NKX6-1: variants seen among roughly 807,000 people sequenced by gnomAD.
NKX6-1 encodes NK6 homeobox 1.
A neutral mutation model predicts 24.9 loss-of-function variants in NKX6-1; 11 were observed. That is an observed-to-expected ratio of 0.44 (90% confidence interval 0.28 to 0.73). The LOEUF (loss-of-function observed/expected upper bound fraction) is 0.73. Among genes scored for constraint, NKX6-1 ranks in the 30% least tolerant of loss-of-function variants. The pLI is 0.15. For synonymous variants in NKX6-1, 277 were observed against 242.9 expected, an observed-to-expected ratio of 1.14 and a Z score of -1.31; for missense variants, 487 against 502.9, an observed-to-expected ratio of 0.97 and a Z score of 0.30.
At position 84,497,611 on chromosome 4, in the gene NKX6-1, G is replaced by A. The variant is rs1340300209; in HGVS notation, c.618C>T (p.Pro206=). 1.6e-6 allele frequency: 2 copies of A among 1,279,498 alleles called. No homozygotes were observed. Among genetic ancestry groups the A allele is most frequent in the Non-Finnish European group, 2.0e-6 (2 of 1,008,234 alleles). 79.3% of individuals were successfully genotyped at this position (1,279,498 alleles called of 1,614,324 possible). ...ELPGRTPIFW[P]GVMQSPPWRD... ...TCCAGGGCGGGCTCTGCATCACTCC[G>A]GGCCAGAAGATGGGCGTCCGGCCAG... The change falls in exon 1 of 3, where the codon CCC becomes CCT. Residue 206 remains proline, a synonymous_variant. Transcript: ENST00000295886. This position sits in a 1 kb window ranked among gnomAD's most constrained non-coding sequence, Gnocchi z 4.8.
At position 84,497,635 on chromosome 4, in the gene NKX6-1, A is replaced by C. The variant is rs774132308; in HGVS notation, c.594T>G (p.Pro198=). The C allele has an allele frequency of 6.8e-5, 87 of 1,282,154 alleles. No homozygotes were observed. In the African/African-American group the frequency reaches 1.2e-3, roughly 17 times the overall value. 79.4% of individuals were successfully genotyped at this position (1,282,154 alleles called of 1,614,324 possible). The change falls in exon 1 of 3, where the codon CCT becomes CCG. Residue 198 remains proline (P), a synonymous_variant. Transcript: ENST00000295886. The surrounding 1 kb of genome is among the most constrained non-coding windows in gnomAD (Gnocchi z 4.8). ...GRYPKPLAEL[P]GRTPIFWPGV... Reference sequence around the variant, plus strand: ...CGGGCCAGAAGATGGGCGTCCGGCCAGGCAGCTCAGCCAGCGGCTTGGGGT... The same window carrying C: ...CGGGCCAGAAGATGGGCGTCCGGCCCGGCAGCTCAGCCAGCGGCTTGGGGT...
In NKX6-1 at chr4:84,495,749, C is replaced by T; in HGVS notation, c.766G>A (p.Glu256Lys). The T allele has an allele frequency of 6.2e-7, 1 of 1,613,854 alleles. No individual in the cohort carries two copies. Among genetic ancestry groups the T allele is most frequent in the Non-Finnish European group, 8.5e-7 (1 of 1,180,030 alleles). The change falls in exon 2 of 3, where the codon GAA becomes AAA. Residue 256 changes from glutamate to lysine, a missense_variant. Around this residue, in one of 3 missense-constraint regions of NKX6-1, gnomAD observed 45 missense variants for 86.0 expected, o/e 0.52. Coordinates refer to ENST00000295886, the MANE Select transcript of NKX6-1 (RefSeq NM_006168.3). ...QQIFALEKTF[E>K]QTKYLAGPER... Reference sequence around the variant, plus strand: ...GGCCCCGCCAAGTATTTTGTTTGTTCGAAAGTCTTCTCCAGGGCGAAGATC... The same window carrying T: ...GGCCCCGCCAAGTATTTTGTTTGTTTGAAAGTCTTCTCCAGGGCGAAGATC...
At position 84,493,227 on chromosome 4, in the gene NKX6-1, C is replaced by T. The variant is rs1720758041; in HGVS notation, c.*62G>A. 7.1e-7 allele frequency: 1 copy of T among 1,400,704 alleles called. No homozygotes were observed. The highest frequency in any genetic ancestry group is 9.2e-7 in the Non-Finnish European group (1 of 1,082,770). The allele number at this position is 1,400,704 out of a possible 1,614,324, so 86.8% of individuals were successfully genotyped here. A position where few individuals can be genotyped will look rare whatever the true frequency, so the allele number is the denominator to read the frequency against. ...GCAGGCGCGGCGTGCACGCGGTCCCCGCGCCCCTCGCGGCCCCAGAGGTGG... is the reference window on the plus strand; with the variant it reads ...GCAGGCGCGGCGTGCACGCGGTCCCTGCGCCCCTCGCGGCCCCAGAGGTGG... On this transcript the variant is annotated 3_prime_UTR_variant, in exon 3 of 3. Transcript: ENST00000295886. This position sits in a 1 kb window ranked among gnomAD's most constrained non-coding sequence, Gnocchi z 5.1.
rs1467588416 is a variant in NKX6-1 at position 84,493,721 on chromosome 4, G to A, written c.844-172C>T. Among the ~76,000 whole-genome samples, 2 of 152,122 alleles carry A rather than the reference G, an allele frequency of 1.3e-5. No homozygotes were observed. The highest frequency in any genetic ancestry group is 4.8e-5 in the African/African-American group (2 of 41,412). ...TCGGCCGTCAAAGTCAGTCTCCGTC[G>A]CCCCAAGTTCCCCCTGAGTAACTGG... On this transcript the variant is annotated intron_variant, in intron 2 of 2. Coordinates refer to ENST00000295886, the MANE Select transcript of NKX6-1 (RefSeq NM_006168.3). This position sits in a 1 kb window ranked among gnomAD's most constrained non-coding sequence, Gnocchi z 5.1.
Position 84,493,237 on chromosome 4 carries a change from G to C in NKX6-1, c.*52C>G. 1 of 1,432,292 alleles carries C rather than the reference G, an allele frequency of 7.0e-7. No individual in the cohort carries two copies. Among genetic ancestry groups the C allele is most frequent in the Non-Finnish European group, 9.1e-7 (1 of 1,099,510 alleles). 88.7% of individuals were successfully genotyped at this position (1,432,292 alleles called of 1,614,324 possible). ...CGTGCACGCGGTCCCCGCGCCCCTC[G>C]CGGCCCCAGAGGTGGAGGCCGGAGC... On this transcript the variant is annotated 3_prime_UTR_variant, in exon 3 of 3. Transcript: ENST00000295886. This position sits in a 1 kb window ranked among gnomAD's most constrained non-coding sequence, Gnocchi z 5.1.
Position 84,493,181 on chromosome 4 carries a change from C to T in NKX6-1, c.*108G>A. On this transcript the variant is annotated 3_prime_UTR_variant, in exon 3 of 3. Coordinates refer to ENST00000295886, the MANE Select transcript of NKX6-1 (RefSeq NM_006168.3). The surrounding 1 kb of genome is among the most constrained non-coding windows in gnomAD (Gnocchi z 5.1). ...AGGGTCCCCGCAGGCAGGGCCGGGTCCTCCGGGCCCCGAGGAGCGGGCAGG... is the reference window on the plus strand; with the variant it reads ...AGGGTCCCCGCAGGCAGGGCCGGGTTCTCCGGGCCCCGAGGAGCGGGCAGG... 9.4e-7 allele frequency: 1 copy of T among 1,058,952 alleles called. No homozygotes were observed. 65.6% of individuals were successfully genotyped at this position (1,058,952 alleles called of 1,614,324 possible).
chr4:84,493,078 C>A lies in NKX6-1; in HGVS notation c.*211G>T. On this transcript the variant is annotated 3_prime_UTR_variant, in exon 3 of 3. Coordinates refer to ENST00000295886, the MANE Select transcript of NKX6-1 (RefSeq NM_006168.3). This position sits in a 1 kb window ranked among gnomAD's most constrained non-coding sequence, Gnocchi z 5.1. ...GGTGGTCTTTCTTGCCTTATCAACC[C>A]CGGAGTCTCTCTCCCCTACATCCCC... The A allele has an allele frequency of 2.5e-6, 1 of 400,758 alleles. No individual in the cohort carries two copies. The highest frequency in any genetic ancestry group is 4.3e-6 in the Non-Finnish European group (1 of 232,926). 24.8% of individuals were successfully genotyped at this position (400,758 alleles called of 1,614,324 possible). A position where few individuals can be genotyped will look rare whatever the true frequency, so the allele number is the denominator to read the frequency against.
In NKX6-1 at chr4:84,492,004, A is replaced by T. The variant is rs1351902346; in HGVS notation, c.*1285T>A. 1 of 151,854 alleles carries T rather than the reference A, an allele frequency of 6.6e-6. No homozygotes were observed. Among genetic ancestry groups the T allele is most frequent in the Non-Finnish European group, 1.5e-5 (1 of 67,954 alleles). 9.4% of individuals were successfully genotyped at this position (151,854 alleles called of 1,614,324 possible). ...CAGACGTCTTCAAACTGTTTTTTTT[A>T]ATTTGATTTATCCTTTGAAACAGAA... On this transcript the variant is annotated 3_prime_UTR_variant, in exon 3 of 3. Transcript: ENST00000295886.
In NKX6-1 at chr4:84,498,191, C is replaced by A; in HGVS notation, c.38G>T (p.Ser13Ile). ...AVGAMEGTRQ[S>I]AFLLSSPPLA... Reference sequence around the variant, plus strand: ...GGGAGGGCTGCTGAGCAGGAATGCGCTCTGCCGGGTGCCCTCCATTGCCCC... The same window carrying A: ...GGGAGGGCTGCTGAGCAGGAATGCGATCTGCCGGGTGCCCTCCATTGCCCC... The change falls in exon 1 of 3, where the codon AGC becomes ATC. Residue 13 changes from serine to isoleucine, a missense_variant. Transcript: ENST00000295886. The A allele has an allele frequency of 7.7e-7, 1 of 1,297,788 alleles. No homozygotes were observed. The highest frequency in any genetic ancestry group is 2.8e-5 in the East Asian group (1 of 35,562). 80.4% of individuals were successfully genotyped at this position (1,297,788 alleles called of 1,614,324 possible).
In NKX6-1 at chr4:84,498,386, G is replaced by A. The variant is rs1327879040; in HGVS notation, c.-158C>T. 4.0e-6 allele frequency: 3 copies of A among 754,860 alleles called. No homozygotes were observed. The highest frequency in any genetic ancestry group is 5.4e-6 in the Non-Finnish European group (3 of 552,722). 46.8% of individuals were successfully genotyped at this position (754,860 alleles called of 1,614,324 possible). On this transcript the variant is annotated 5_prime_UTR_variant, in exon 1 of 3. Transcript: ENST00000295886. ...ACTGAACCAAAAATGCCGCTGCCGG[G>A]AGTTGCTCGCCTAGCTGCGCAGCAG...
At position 84,497,941 on chromosome 4, in the gene NKX6-1, G is replaced by C; in HGVS notation, c.288C>G (p.His96Gln). The change falls in exon 1 of 3, where the codon CAC becomes CAG. Residue 96 changes from histidine (H) to glutamine (Q), a missense_variant. Physicochemically the swap from His to Gln is conservative, Grantham distance 24. This residue lies in a region of NKX6-1 where 316 missense variants were observed against 311.4 expected (regional missense o/e 1.01). Coordinates refer to ENST00000295886, the MANE Select transcript of NKX6-1 (RefSeq NM_006168.3). This position sits in a 1 kb window ranked among gnomAD's most constrained non-coding sequence, Gnocchi z 4.8. ...GCCGGCTCAGGATATCGTTGATGCC[G>C]TGTGGGGTGGCGGCCGAGAGCTGCT... The part of the protein sequence containing the change: ...PPQQLSAATP[H>Q]GINDILSRPS... 1.5e-6 allele frequency: 2 copies of C among 1,300,696 alleles called. No homozygotes were observed. The highest frequency in any genetic ancestry group is 2.0e-6 in the Non-Finnish European group (2 of 1,020,858). 80.6% of individuals were successfully genotyped at this position (1,300,696 alleles called of 1,614,324 possible). A position where few individuals can be genotyped will look rare whatever the true frequency, so the allele number is the denominator to read the frequency against.
chr4:84,493,480 T>G lies in NKX6-1; in HGVS notation c.913A>C (p.Lys305Gln), dbSNP rs911034374. ...HAAEMATAKKKQDSETERLKG... is the reference protein window; with the variant it reads ...HAAEMATAKKQQDSETERLKG... ...AGGCGCTCTGTCTCCGAGTCCTGCTTCTTCTTGGCCGTGGCCATCTCGGCA... is the reference window on the plus strand; with the variant it reads ...AGGCGCTCTGTCTCCGAGTCCTGCTGCTTCTTGGCCGTGGCCATCTCGGCA... The change falls in exon 3 of 3, where the codon AAG becomes CAG. Residue 305 changes from lysine (K) to glutamine (Q), a missense_variant. Around this residue, in one of 3 missense-constraint regions of NKX6-1, gnomAD observed 126 missense variants for 105.5 expected, o/e 1.19. Coordinates refer to ENST00000295886, the MANE Select transcript of NKX6-1 (RefSeq NM_006168.3). The surrounding 1 kb of genome is among the most constrained non-coding windows in gnomAD (Gnocchi z 5.1). 2.5e-5 allele frequency: 40 copies of G among 1,614,230 alleles called. No individual in the cohort carries two copies. Among genetic ancestry groups the G allele is most frequent in the Non-Finnish European group, 3.1e-5 (37 of 1,180,026 alleles).
Position 84,492,094 on chromosome 4 carries a change from T to C in NKX6-1, c.*1195A>G, listed in dbSNP as rs962030148. 3.3e-5 allele frequency: 5 copies of C among 152,238 alleles called. No homozygotes were observed. Among genetic ancestry groups the C allele is most frequent in the African/African-American group, 1.2e-4 (5 of 41,460 alleles). 9.4% of individuals were successfully genotyped at this position (152,238 alleles called of 1,614,324 possible). A position where few individuals can be genotyped will look rare whatever the true frequency, so the allele number is the denominator to read the frequency against. ...TTCTCTTTACAAACCGAATTCCTTA[T>C]ATAAATTAATAAAGGTTAAAGATGC... On this transcript the variant is annotated 3_prime_UTR_variant, in exon 3 of 3. Coordinates refer to ENST00000295886, the MANE Select transcript of NKX6-1 (RefSeq NM_006168.3).
intron 2 of NKX6-1, among the ~76,000 whole-genome samples, chr4:84,494,415 A>G (rs1159042178): frequency 6.6e-6 from 1 of 152,202 alleles, no homozygotes; most frequent in African/African-American, 2.4e-5. Flanking sequence ...TGTTTGACAC[A>G]TATTTTACCT....
chr4:84,494,957 C>T (rs942983977), intron 2 of NKX6-1, among the ~76,000 whole-genome samples: 1 of 152,050 alleles, frequency 6.6e-6, no homozygotes, highest in Non-Finnish European at 1.5e-5. Context: ...AATTTGTTTC[C>T]TTGGAAATAT....
At position 84,497,946 on chromosome 4, in the gene NKX6-1, G is replaced by A. The variant is rs764320715; in HGVS notation, c.283C>T (p.Pro95Ser). The change falls in exon 1 of 3, where the codon CCA becomes TCA. Residue 95 changes from proline to serine, a missense_variant. Pro to Ser is a moderately conservative substitution (Grantham distance 74, BLOSUM62 -1). Around this residue, in one of 3 missense-constraint regions of NKX6-1, gnomAD observed 316 missense variants for 311.4 expected, o/e 1.01. Transcript: ENST00000295886. This position sits in a 1 kb window ranked among gnomAD's most constrained non-coding sequence, Gnocchi z 4.8. ...SPPQQLSAATPHGINDILSRP... is the reference protein window; with the variant it reads ...SPPQQLSAATSHGINDILSRP... The stretch of plus-strand genomic sequence containing the variant: ...CTCAGGATATCGTTGATGCCGTGTG[G>A]GGTGGCGGCCGAGAGCTGCTGCGGG... The A allele has an allele frequency of 7.7e-7, 1 of 1,300,808 alleles. No homozygotes were observed. Among genetic ancestry groups the A allele is most frequent in the Non-Finnish European group, 9.8e-7 (1 of 1,020,890 alleles). 80.6% of individuals were successfully genotyped at this position (1,300,808 alleles called of 1,614,324 possible).
Position 84,492,797 on chromosome 4 carries a change from CACA to C in NKX6-1, c.*489_*491del, listed in dbSNP as rs1720748505. The C allele has an allele frequency of 6.5e-6, 1 of 152,948 alleles. No individual in the cohort carries two copies. Among genetic ancestry groups the C allele is most frequent in the African/African-American group, 2.4e-5 (1 of 41,496 alleles). 9.5% of individuals were successfully genotyped at this position (152,948 alleles called of 1,614,324 possible). A position where few individuals can be genotyped will look rare whatever the true frequency, so the allele number is the denominator to read the frequency against. ...AGCCTTCAACAGGTTACTTTAGTTG[CACA>C]GCAGTGTGTGGGGGGGGAAACGTCC... On this transcript the variant is annotated 3_prime_UTR_variant, in exon 3 of 3. Coordinates refer to ENST00000295886, the MANE Select transcript of NKX6-1 (RefSeq NM_006168.3).
intron 1 of NKX6-1, 57 bp from the exon 2 acceptor site, chr4:84,495,901 G>A: frequency 6.5e-7 from 1 of 1,545,108 alleles, no homozygotes. Flanking sequence ...ACAAGCGGCT[G>A]CACTAGGGGG....
rs1256967991 is a variant in NKX6-1 at position 84,493,276 on chromosome 4, C to G, written c.*13G>C. 7 of 1,408,670 alleles carry G rather than the reference C, an allele frequency of 5.0e-6. 1 individual carries two copies. In the Admixed American group the frequency reaches 1.7e-4, roughly 35 times the overall value. 87.3% of individuals were successfully genotyped at this position (1,408,670 alleles called of 1,614,324 possible). ...GGAGGCCGGAGCCGGGAAGGTGCGG[C>G]GGGCGGCGGCGTTCAGGATGAGCTC... is the stretch of plus-strand genomic sequence containing the variant. On this transcript the variant is annotated 3_prime_UTR_variant, in exon 3 of 3. Coordinates refer to ENST00000295886, the MANE Select transcript of NKX6-1 (RefSeq NM_006168.3). The surrounding 1 kb of genome is among the most constrained non-coding windows in gnomAD (Gnocchi z 5.1).
Sources: gnomAD v4.1 joint callset for allele counts (sites outside exome capture counted in the v4.1 genomes callset) on GRCh38, gnomAD v4.1.1 for gene constraint, gnomAD v4.1.1 regional missense constraint, Gnocchi (gnomAD v3.1) non-coding constraint, MANE v1.5 for transcripts, NCBI Gene and HGNC (gene_info 2026-07-23, HGNC 2026-07-21) for gene names.